Variants in GAD1 observed in about 807,000 individuals in gnomAD.
GAD1 encodes the protein glutamate decarboxylase 1, also known as 67 kDa glutamic acid decarboxylase.
Under a neutral mutation model 75.2 loss-of-function variants are expected in GAD1, and 35 were observed. That is an observed-to-expected ratio of 0.47 (90% CI 0.36 to 0.62). The LOEUF (loss-of-function observed/expected upper bound fraction) is 0.62. GAD1 is among the 20% of genes least tolerant of loss of function. The pLI, the probability that GAD1 is intolerant of heterozygous loss-of-function variation, is 0.00. For synonymous variants in GAD1, 257 were observed against 271.9 expected (o/e 0.95, Z 0.54); for missense variants, 490 against 758.5 (o/e 0.65, Z 4.16).
intron 14 of GAD1, among the ~76,000 whole-genome samples, chr2:170,856,098 A>G (rs974878290): frequency 2.0e-5 from 3 of 152,180 alleles, no homozygotes; most frequent in Non-Finnish European, 4.4e-5. Flanking sequence ...ACTAGGGTGT[A>G]CAGTCAGCAG....
rs751859250 is a variant in GAD1, at chr2:170,852,741, C to T, written c.1212C>T (p.His404=). 1.2e-6 allele frequency: 2 copies of T among 1,614,216 alleles called. No homozygotes were observed. Among genetic ancestry groups the T allele is most frequent in the Non-Finnish European group, 8.5e-7 (1 of 1,180,028 alleles). ...CCAACTCAGTCACCTGGAACCCTCA[C>T]AAGATGATGGGCGTGCTGTTGCAGT... ...ERANSVTWNP[H]KMMGVLLQCS... Residue 404 remains histidine, a synonymous_variant, in exon 13 of 17, where the codon CAC becomes CAT. Coordinates refer to ENST00000358196, the MANE Select transcript of GAD1 (RefSeq NM_000817.3).
chr2:170,842,483 T>C, intron 6 of GAD1: 2 of 1,197,632 alleles, frequency 1.7e-6, no homozygotes. Context: ...TCAAGAATGG[T>C]TAAAAGCCCA....
chr2:170,858,384 C>T (rs748633805), intron 15 of GAD1, among the ~76,000 whole-genome samples: 16 of 152,024 alleles, frequency 1.1e-4, no homozygotes, highest in Non-Finnish European at 2.2e-4. Flanking sequence ...TATGATAGTC[C>T]TGAGTCATCA....
chr2:170,845,088 C>G (rs1419053339), intron 7 of GAD1, among the ~76,000 whole-genome samples: 1 of 152,164 alleles, frequency 6.6e-6, no homozygotes, highest in African/African-American at 2.4e-5. Context: ...CTGTAAGCTC[C>G]GTTACTCTTT....
chr2:170,833,580 C>G (rs765127773), intron 5 of GAD1, among the ~76,000 whole-genome samples: 1 of 152,236 alleles, frequency 6.6e-6, no homozygotes, highest in Non-Finnish European at 1.5e-5. Context: ...TCTACATGCG[C>G]TTTCTCAGAG....
rs1702790686 is a variant in GAD1, at chr2:170,853,565, C to T, written c.1264-308C>T. ...GGAATTTTCTATCTCTAACCCTGGC[C>T]CACTGAATGCCGTAGCACTTCCCAA... On this transcript the variant is annotated intron_variant, in intron 13 of 16. Transcript: ENST00000358196. The surrounding 1 kb of genome is among the most constrained non-coding windows in gnomAD (Gnocchi z 4.1). The T allele has an allele frequency of 2.8e-6, 1 of 352,138 alleles. No homozygotes were observed. The highest frequency in any genetic ancestry group is 3.8e-5 in the Admixed American group (1 of 26,368). 21.8% of individuals were successfully genotyped at this position (352,138 alleles called of 1,614,324 possible).
At chr2:170,823,533 G>C (rs1010145080) in intron 3 of GAD1, among the ~76,000 whole-genome samples, 4 of 152,200 alleles carry the variant, frequency 2.6e-5, no homozygotes, top group South Asian at 4.1e-4. Flanking sequence ...CGGCCTGGGA[G>C]TTTGGCCTTC....
chr2:170,839,095 AAC>A (rs1368745111), intron 6 of GAD1, among the ~76,000 whole-genome samples: 1 of 152,152 alleles, frequency 6.6e-6, no homozygotes, highest in Non-Finnish European at 1.5e-5. Flanking sequence ...TCCAGTCGGG[AAC>A]AGTGTTCAAA....
intron 2 of GAD1, among the ~76,000 whole-genome samples, chr2:170,820,514 G>T (rs538107239): frequency 6.6e-6 from 1 of 152,278 alleles, no homozygotes; most frequent in African/African-American, 2.4e-5. Flanking sequence ...ACCTTTGCCC[G>T]CCCAGCTGGC....
At position 170,859,762 on chromosome 2, in the gene GAD1, C is replaced by T. The variant is rs1360945218; in HGVS notation, c.1665C>T (p.Gly555=). The T allele has an allele frequency of 6.2e-7, 1 of 1,614,088 alleles. No individual in the cohort carries two copies. Among genetic ancestry groups the T allele is most frequent in the African/African-American group, 1.3e-5 (1 of 74,942 alleles). ...LMMESGTTMV[G]YQPQGDKANF... ...TGGAGTCAGGTACGACCATGGTTGG[C>T]TACCAGCCCCAAGGGGACAAGGCCA... is the stretch of plus-strand genomic sequence containing the variant. Residue 555 remains glycine, a synonymous_variant, in exon 17 of 17, where the codon GGC becomes GGT. Coordinates refer to ENST00000358196, the MANE Select transcript of GAD1 (RefSeq NM_000817.3).
intron 15 of GAD1, among the ~76,000 whole-genome samples, chr2:170,858,039 CCA>C (rs145420269): frequency 0.17 from 26,212 of 152,074 alleles, 2,851 homozygotes; most frequent in Middle Eastern, 0.28. Context: ...ATGTGAATCA[CCA>C]AATGAACAAA....
At chr2:170,828,555 A>ACCGTCCT (rs1702108336) in intron 3 of GAD1, among the ~76,000 whole-genome samples, 1 of 35,994 alleles carries the variant, frequency 2.8e-5, no homozygotes, top group African/African-American at 1.1e-4. Context: ...TCACCCTCCT[A>ACCGTCCT]CCTCTGCTGT....
chr2:170,828,675 C>CT (rs1440528283), intron 3 of GAD1, among the ~76,000 whole-genome samples: 3 of 114,170 alleles, frequency 2.6e-5, no homozygotes, highest in Non-Finnish European at 4.0e-5. Flanking sequence ...ACCCTCCTCC[C>CT]CTGTTGTCCT....
intron 6 of GAD1, among the ~76,000 whole-genome samples, chr2:170,841,593 G>A (rs1643743313): frequency 6.6e-6 from 1 of 152,154 alleles, no homozygotes; most frequent in Non-Finnish European, 1.5e-5. Flanking sequence ...CTGCTTTGGT[G>A]AACTACAAGG....
At chr2:170,839,041 G>A (rs1013906946) in intron 6 of GAD1, among the ~76,000 whole-genome samples, 3 of 152,266 alleles carry the variant, frequency 2.0e-5, no homozygotes, top group Non-Finnish European at 2.9e-5. Context: ...TGGCAGCACT[G>A]TCAGGAGCTG....
chr2:170,848,906 G>GAA, intron 11 of GAD1: 1 of 441,482 alleles, frequency 2.3e-6, no homozygotes, highest in Non-Finnish European at 4.5e-6. Flanking sequence ...ACTCTGGGAA[G>GAA]AACCAGACAG....
intron 3 of GAD1, among the ~76,000 whole-genome samples, chr2:170,826,845 G>T (rs2105766936): frequency 6.6e-6 from 1 of 152,280 alleles, no homozygotes; most frequent in East Asian, 1.9e-4. Flanking sequence ...CAATGTTCTG[G>T]GATGAGAGGA....
chr2:170,815,558 G>C (rs779995762), upstream of GAD1, among the ~76,000 whole-genome samples: 1 of 152,116 alleles, frequency 6.6e-6, no homozygotes, highest in Non-Finnish European at 1.5e-5. Context: ...AAAGAAAACG[G>C]ACGGGCCTCC....
rs571583215 is a variant in GAD1 at position 170,843,339 on chromosome 2, T to C, written c.639-706T>C. Among the ~76,000 whole-genome samples, 10 of 152,382 alleles carry C rather than the reference T, an allele frequency of 6.6e-5. No homozygotes were observed. In the South Asian group the frequency reaches 2.1e-3, roughly 32 times the overall value. ...TCTGATGCCCACAGCTAGTTGTTTA[T>C]GCCAGTTGACCGTCTTCTTGTTATT... On this transcript the variant is annotated intron_variant, in intron 6 of 16. Coordinates refer to ENST00000358196, the MANE Select transcript of GAD1 (RefSeq NM_000817.3).
Sources: gnomAD v4.1 joint callset for allele counts (sites outside exome capture counted in the v4.1 genomes callset) on GRCh38, gnomAD v4.1.1 for gene constraint, Gnocchi (gnomAD v3.1) non-coding constraint, MANE v1.5 for transcripts, NCBI Gene and HGNC (gene_info 2026-07-23, HGNC 2026-07-21) for gene names.